FANCA: variants seen among roughly 807,000 people sequenced by gnomAD.
FANCA encodes the protein FA complementation group A, also known as Fanconi anemia group A protein.
A neutral mutation model predicts 194.3 loss-of-function variants in FANCA; 236 were observed. That is an observed-to-expected ratio of 1.21 (90% CI 1.09 to 1.35). FANCA has a LOEUF of 1.35. FANCA is among the 40% of genes most tolerant of loss of function. FANCA has a pLI of 0.00. For synonymous variants in FANCA, 1,014 were observed against 715.8 expected (o/e 1.42, Z -6.65); for missense variants, 2,628 against 1,813.9 (o/e 1.45, Z -8.15).
At chr16:89,756,095 A>T (rs2038759156) in intron 30 of FANCA, among the ~76,000 whole-genome samples, 1 of 152,236 alleles carries the variant, frequency 6.6e-6, no homozygotes, top group Non-Finnish European at 1.5e-5. Flanking sequence ...AAAAAAAGGT[A>T]CAAAAAATTA....
Position 89,761,938 on chromosome 16 carries a change from T to A in FANCA, c.2852+11A>T. On this transcript the variant is annotated intron_variant, in intron 29 of 42. Transcript: ENST00000389301. The stretch of plus-strand genomic sequence containing the variant: ...TCATGCCTGGCCAGGGTAGCTCTTT[T>A]CAACACTTACCGTTCAGTATCTGAA... 6.2e-7 allele frequency: 1 copy of A among 1,612,104 alleles called. No homozygotes were observed. The highest frequency in any genetic ancestry group is 8.5e-7 in the Non-Finnish European group (1 of 1,178,110).
chr16:89,803,306 TC>T lies in FANCA; in HGVS notation c.744del (p.Asn250ThrfsTer4). 6.2e-7 allele frequency: 1 copy of T among 1,614,204 alleles called. No individual in the cohort carries two copies. Among genetic ancestry groups the T allele is most frequent in the South Asian group, 1.1e-5 (1 of 91,084 alleles). Reference protein sequence around the residue: ...FVQMFVLRGFQKNSDLRRTVE... With the variant: ...FVQMFVLRGFXKNSDLRRTVE... The stretch of plus-strand genomic sequence containing the variant: ...ACAGTTCTTCTCAGATCTGAGTTTT[TC>T]TGAAATCCCCTCAAAACAAACATTT... On this transcript the variant is annotated frameshift_variant, in exon 8 of 43. Coordinates refer to ENST00000389301, the MANE Select transcript of FANCA (RefSeq NM_000135.4). LOFTEE classifies it high-confidence loss of function.
At chr16:89,813,614 A>G (rs2143704250) in intron 3 of FANCA, among the ~76,000 whole-genome samples, 1 of 152,122 alleles carries the variant, frequency 6.6e-6, no homozygotes, top group South Asian at 2.1e-4. Context: ...TGTGTTTTTT[A>G]GTAGAGACAG....
intron 35 of FANCA, 74 bp downstream of exon 35, chr16:89,746,510 A>C: frequency 8.6e-7 from 1 of 1,168,638 alleles, no homozygotes; most frequent in Non-Finnish European, 1.3e-6. Flanking sequence ...GACGTGCTGC[A>C]GAGATGCCAG....
intron 5 of FANCA, 61 bp from the exon 6 acceptor site, chr16:89,808,428 C>T (rs983504917): frequency 2.7e-6 from 4 of 1,507,894 alleles, no homozygotes; most frequent in Non-Finnish European, 3.7e-6. Context: ...ATTCTGAGTC[C>T]TTTATGAATG....
intron 17 of FANCA, among the ~76,000 whole-genome samples, chr16:89,782,146 C>T (rs190739027): frequency 3.9e-4 from 59 of 152,008 alleles, no homozygotes; most frequent in African/African-American, 1.3e-3. Context: ...GAGGCCAAGG[C>T]GGGCAGATCA....
At chr16:89,769,738 G>A in intron 26 of FANCA, 99 bp downstream of exon 26, 1 of 1,354,626 alleles carries the variant, frequency 7.4e-7, no homozygotes, top group Non-Finnish European at 1.0e-6. Context: ...ATCTTTGGGT[G>A]GTATGTCTGC....
At chr16:89,746,256 A>G (rs1168570032) in intron 35 of FANCA, among the ~76,000 whole-genome samples, 1 of 152,218 alleles carries the variant, frequency 6.6e-6, no homozygotes, top group Admixed American at 6.5e-5. Flanking sequence ...GCCTCCAGCC[A>G]GTGCACAACC....
Position 89,805,408 on chromosome 16 carries a change from G to C in FANCA, c.597-16C>G, listed in dbSNP as rs767068799. The C allele has an allele frequency of 1.3e-5, 20 of 1,593,348 alleles. No individual in the cohort carries two copies. Among genetic ancestry groups the C allele is most frequent in the South Asian group, 4.4e-5 (4 of 90,494 alleles). ...GTCGGGATGGCTGGAGACACACACA[G>C]AGGCAGACGTAAGGCTCAACTAAAT... is the stretch of plus-strand genomic sequence containing the variant. On this transcript the variant is annotated splice_polypyrimidine_tract_variant and intron_variant, in intron 6 of 42. Transcript: ENST00000389301.
chr16:89,762,726 G>T, intron 28 of FANCA: 1 of 450,494 alleles, frequency 2.2e-6, no homozygotes, highest in Non-Finnish European at 4.5e-6. Flanking sequence ...TCTGCCTCCT[G>T]AACTCCAGAA....
chr16:89,794,186 T>C (rs987332143), intron 11 of FANCA, among the ~76,000 whole-genome samples: 4 of 152,248 alleles, frequency 2.6e-5, no homozygotes, highest in African/African-American at 4.8e-5. Context: ...GGTTACTTAC[T>C]TGTAATGCTT....
At chr16:89,798,944 G>A in intron 10 of FANCA, 1 of 1,609,906 alleles carries the variant, frequency 6.2e-7, no homozygotes, top group South Asian at 1.1e-5. Flanking sequence ...TACTGCAGTG[G>A]GCGCACCTTC....
intron 33 of FANCA, among the ~76,000 whole-genome samples, chr16:89,747,529 T>C (rs1200532945): frequency 6.6e-6 from 1 of 151,896 alleles, no homozygotes; most frequent in Non-Finnish European, 1.5e-5. Context: ...TAAAACGTCA[T>C]CTCTACTAAA....
intron 1 of FANCA, 101 bp downstream of exon 1, chr16:89,816,436 G>T: frequency 7.2e-6 from 8 of 1,104,970 alleles, no homozygotes; most frequent in South Asian, 4.2e-5. Context: ...GGCGTCCGGG[G>T]ATCCGACCGG....
At chr16:89,792,229 C>T (rs1199130052) in intron 12 of FANCA, among the ~76,000 whole-genome samples, 161 bp from the exon 13 acceptor site, 2 of 152,192 alleles carry the variant, frequency 1.3e-5, no homozygotes, top group African/African-American at 4.8e-5. Context: ...CGTCTCTCCC[C>T]TCACAGTGGC....
At chr16:89,792,099 T>C (rs757026386) in intron 12 of FANCA, 31 bp from the exon 13 acceptor site, 10 of 1,613,878 alleles carry the variant, frequency 6.2e-6, no homozygotes, top group South Asian at 5.5e-5. Flanking sequence ...CCCTTCAATA[T>C]CCAAGCAAAC....
At chr16:89,743,452 C>T (rs552422732) in intron 36 of FANCA, among the ~76,000 whole-genome samples, 1 of 152,342 alleles carries the variant, frequency 6.6e-6, no homozygotes, top group Admixed American at 6.5e-5. Flanking sequence ...CATCTGCAAT[C>T]ATAGCACTTC....
rs2039775416 is a variant in FANCA at position 89,783,058 on chromosome 16, G to A, written c.1515C>T (p.Ser505=). ...HPPLVPGKYR[S]LLTDYISLAK... ...CCAATGAGATGTAGTCTGTGAGGAGGGAGCGGTACTTGCCGGGAACCAGGG... is the reference window on the plus strand; with the variant it reads ...CCAATGAGATGTAGTCTGTGAGGAGAGAGCGGTACTTGCCGGGAACCAGGG... Residue 505 remains serine, a synonymous_variant, in exon 16 of 43, where the codon TCC becomes TCT. Coordinates refer to ENST00000389301, the MANE Select transcript of FANCA (RefSeq NM_000135.4). The A allele has an allele frequency of 6.2e-7, 1 of 1,613,978 alleles. No individual in the cohort carries two copies. Among genetic ancestry groups the A allele is most frequent in the East Asian group, 2.2e-5 (1 of 44,860 alleles).
At chr16:89,757,273 G>C (rs2038798497) in intron 30 of FANCA, among the ~76,000 whole-genome samples, 1 of 152,036 alleles carries the variant, frequency 6.6e-6, no homozygotes, top group African/African-American at 2.4e-5. Flanking sequence ...AGGTTGTTTT[G>C]ACCTAAGAGT....
Sources: allele counts gnomAD v4.1 joint callset (sites outside exome capture counted in the v4.1 genomes callset), GRCh38; gene constraint gnomAD v4.1.1; transcripts MANE v1.5; gene names NCBI Gene and HGNC (gene_info 2026-07-23, HGNC 2026-07-21).